Variants in ZBED6 observed in about 807,000 individuals in gnomAD.
The protein encoded by ZBED6 is zinc finger BED domain-containing protein 6.
Under a neutral mutation model 58.4 loss-of-function variants are expected in ZBED6, and 40 were observed. That is an observed-to-expected ratio of 0.68 (90% CI 0.53 to 0.89). The LOEUF (loss-of-function observed/expected upper bound fraction) is 0.89. Ranked by LOEUF, ZBED6 falls within the 40% of genes least tolerant of loss-of-function variation. ZBED6 has a pLI of 0.00. For synonymous variants in ZBED6, 439 were observed against 350.6 expected (o/e 1.25, Z -2.82); for missense variants, 1,057 against 1,003.9 (o/e 1.05, Z -0.71).
intron 3 of ZBED6, among the ~76,000 whole-genome samples, chr1:203,826,217 G>A (rs554715536): frequency 1.6e-4 from 25 of 152,160 alleles, no homozygotes; most frequent in East Asian, 9.6e-4. Flanking sequence ...TGAAAGTAAC[G>A]GTATTTGCTG....
chr1:203,811,287 A>C (rs1179991432), intron 1 of ZBED6, among the ~76,000 whole-genome samples: 1 of 152,188 alleles, frequency 6.6e-6, no homozygotes, highest in Non-Finnish European at 1.5e-5. Flanking sequence ...CAGCCTGGGC[A>C]ACAAGAGCAA....
rs149167258 is a variant in ZBED6, at chr1:203,797,534, T to C, written c.12T>C (p.Cys4=). ...GAGACATAAAGAGAATGAGTGTATG[T>C]ACTCTAAGTGTACCAGTTTCTTCAC... is the stretch of plus-strand genomic sequence containing the variant. Residue 4 remains cysteine (C), a synonymous_variant, in exon 1 of 17, where the codon TGT becomes TGC. Transcript: ENST00000550078. 4.7e-4 allele frequency: 706 copies of C among 1,515,066 alleles called. 3 individuals are homozygous for C. In the African/African-American group the frequency reaches 8.6e-3, roughly 19 times the overall value. 93.9% of individuals were successfully genotyped at this position (1,515,066 alleles called of 1,614,324 possible).
intron 3 of ZBED6, among the ~76,000 whole-genome samples, chr1:203,820,466 T>TTTTGTGTGTGTGTG (rs144962991): frequency 7.3e-6 from 1 of 136,396 alleles, no homozygotes; most frequent in Non-Finnish European, 1.6e-5. Context: ...ATATCACAAA[T>TTTTGTGTGTGTGTG]TATGTGTGTG....
chr1:203,828,015 T>TACTG (rs1358050805), intron 3 of ZBED6, among the ~76,000 whole-genome samples: 3 of 151,162 alleles, frequency 2.0e-5, no homozygotes, highest in African/African-American at 7.2e-5. Context: ...AAACTTAAAC[T>TACTG]ACTGTATCAT....
At chr1:203,810,246 G>A (rs61827262) in intron 1 of ZBED6, among the ~76,000 whole-genome samples, 1 of 151,830 alleles carries the variant, frequency 6.6e-6, no homozygotes, top group East Asian at 1.9e-4. Context: ...AAAGTGTTAG[G>A]ATTATAGGCA....
chr1:203,839,563 T>C (rs1300446997), intron 10 of ZBED6, among the ~76,000 whole-genome samples: 1 of 152,196 alleles, frequency 6.6e-6, no homozygotes, highest in East Asian at 1.9e-4. Flanking sequence ...CGTTCCTGTT[T>C]GGAGGTTTTC....
At chr1:203,819,089 T>TACACACACAC (rs200302232) in intron 3 of ZBED6, among the ~76,000 whole-genome samples, 295 of 141,002 alleles carry the variant, frequency 2.1e-3, no homozygotes, top group African/African-American at 7.2e-3. Flanking sequence ...TATATATATA[T>TACACACACAC]ACACACACAC....
At chr1:203,818,769 C>T in intron 3 of ZBED6, 80 bp downstream of exon 3, 1 of 1,599,556 alleles carries the variant, frequency 6.3e-7, no homozygotes, top group Non-Finnish European at 8.5e-7. Flanking sequence ...ACAAAAGTGA[C>T]TTTTAAAAAA....
rs946038742 is a variant in ZBED6 at position 203,818,753 on chromosome 1, A to T, written c.*2873+64A>T. 4.3e-6 allele frequency: 7 copies of T among 1,609,814 alleles called. No homozygotes were observed. The African/African-American group carries it at 8.0e-5, about 18-fold the overall frequency. ...GAGACCTGGTGGGCCAATAAAAAAT[A>T]TAGGGACAAAAGTGACTTTTAAAAA... On this transcript the variant is annotated intron_variant, in intron 3 of 16. Coordinates refer to ENST00000550078, the Ensembl canonical transcript of ZBED6.
At chr1:203,818,138 A>ATAT in intron 2 of ZBED6, among the ~76,000 whole-genome samples, 1 of 152,198 alleles carries the variant, frequency 6.6e-6, no homozygotes, top group Non-Finnish European at 1.5e-5. Context: ...TTTATTTCAG[A>ATAT]TATTACCGTT....
At chr1:203,848,289 G>A (rs1688426704) in intron 12 of ZBED6, 42 bp from the exon 13 acceptor site, 2 of 1,528,472 alleles carry the variant, frequency 1.3e-6, no homozygotes, top group Non-Finnish European at 1.8e-6. Flanking sequence ...TGAAGTTGCA[G>A]CTTAAATAAA....
At chr1:203,847,502 G>A (rs768900009) in exon 12 of ZBED6, 1 of 1,613,930 alleles carries the variant, frequency 6.2e-7, no homozygotes, top group Non-Finnish European at 8.5e-7. Context: ...GCCAGCAGAG[G>A]ACAATCAGAG....
intron 10 of ZBED6, 132 bp downstream of exon 10, chr1:203,838,196 C>T: frequency 1.5e-5 from 13 of 863,252 alleles, no homozygotes; most frequent in Non-Finnish European, 1.8e-5. Flanking sequence ...ATTATTCACT[C>T]AACAAACATT....
chr1:203,816,414 A>C (rs939313635), intron 1 of ZBED6, among the ~76,000 whole-genome samples: 4 of 152,170 alleles, frequency 2.6e-5, no homozygotes, highest in African/African-American at 9.7e-5. Context: ...TGCTTGAGGC[A>C]GGAGTTCAAG....
At chr1:203,796,433 C>T (rs1448352687) in exon 1 of ZBED6, 2 of 399,022 alleles carry the variant, frequency 5.0e-6, no homozygotes, top group Non-Finnish European at 8.8e-6. Context: ...AACAGGGACA[C>T]TTCCGTTCTC....
exon 1 of ZBED6, chr1:203,799,443 A>G (rs1669833242): frequency 1.4e-6 from 1 of 702,994 alleles, no homozygotes. Context: ...GAAGAATTTG[A>G]AGCAGGACGA....
intron 1 of ZBED6, chr1:203,806,164 A>G (rs1672269908): frequency 8.0e-6 from 4 of 498,780 alleles, no homozygotes; most frequent in South Asian, 6.1e-5. Flanking sequence ...CAATCTAGAA[A>G]TCTTGTCAGT....
chr1:203,841,672 A>C (rs1686255054), intron 11 of ZBED6, among the ~76,000 whole-genome samples: 1 of 152,012 alleles, frequency 6.6e-6, no homozygotes, highest in African/African-American at 2.4e-5. Flanking sequence ...TGTTGGGTAC[A>C]CCTCCCAGAC....
intron 1 of ZBED6, among the ~76,000 whole-genome samples, chr1:203,812,428 A>G (rs1674797402): frequency 6.6e-6 from 1 of 152,124 alleles, no homozygotes; most frequent in Non-Finnish European, 1.5e-5. Context: ...CTCTGGCTCC[A>G]TTCATGTCCC....
Sources: allele counts gnomAD v4.1 joint callset (sites outside exome capture counted in the v4.1 genomes callset), GRCh38; gene constraint gnomAD v4.1.1; transcripts MANE v1.5; gene names NCBI Gene and HGNC (gene_info 2026-07-23, HGNC 2026-07-21).